Variants in RXRA observed in about 807,000 individuals in gnomAD.
RXRA encodes the protein retinoic acid receptor RXR-alpha.
RXRA carries 5 observed loss-of-function variants against 44.5 expected under a neutral mutation model. The observed-to-expected ratio is 0.11, with a 90% CI of 0.06 to 0.24. The LOEUF is 0.24. RXRA is among the 10% of genes least tolerant of loss of function. The pLI is 1.00. For synonymous variants in RXRA, 291 were observed against 271.4 expected (o/e 1.07, Z -0.71); for missense variants, 412 against 646.5 (o/e 0.64, Z 3.93).
intron 6 of RXRA, among the ~76,000 whole-genome samples, chr9:134,427,552 C>T (rs1831455494): frequency 6.6e-6 from 1 of 152,236 alleles, no homozygotes; most frequent in Non-Finnish European, 1.5e-5. Flanking sequence ...GGTGCCATCC[C>T]TGCCTGGTCT....
chr9:134,359,256 T>C (rs778714966), intron 1 of RXRA, among the ~76,000 whole-genome samples: 2 of 152,126 alleles, frequency 1.3e-5, no homozygotes, highest in Non-Finnish European at 2.9e-5. Flanking sequence ...GCCACCTGCC[T>C]TTGGGGTCCT....
chr9:134,380,201 G>A (rs1318511512), intron 1 of RXRA: 3 of 981,430 alleles, frequency 3.1e-6, no homozygotes, highest in East Asian at 1.2e-4. Context: ...GGTGTAGGCC[G>A]GAGGTGGCGT....
intron 1 of RXRA, among the ~76,000 whole-genome samples, chr9:134,359,834 T>A (rs1830327768): frequency 6.6e-6 from 1 of 152,134 alleles, no homozygotes; most frequent in South Asian, 2.1e-4. Flanking sequence ...TCCCAGCCCG[T>A]TTCCCCCAGG....
chr9:134,410,103 C>G (rs1564289700), intron 4 of RXRA, among the ~76,000 whole-genome samples: 1 of 152,240 alleles, frequency 6.6e-6, no homozygotes, highest in Admixed American at 6.5e-5. Context: ...TGTATGTCTT[C>G]TCAGCCTTAA....
At chr9:134,369,442 T>G (rs1488323092) in intron 1 of RXRA, among the ~76,000 whole-genome samples, 1 of 101,278 alleles carries the variant, frequency 9.9e-6, no homozygotes, top group Admixed American at 1.3e-4. Context: ...GGGTTATGTG[T>G]GTATGTGGGG....
At chr9:134,402,683 T>G (rs892581149) in intron 2 of RXRA, 4 of 151,490 alleles carry the variant, frequency 2.6e-5, no homozygotes, top group Non-Finnish European at 5.9e-5. Flanking sequence ...TCTGTGAGGG[T>G]GGAGGGCGAG....
intron 1 of RXRA, among the ~76,000 whole-genome samples, chr9:134,341,590 G>A (rs553873340): frequency 2.0e-5 from 3 of 152,370 alleles, no homozygotes; most frequent in South Asian, 4.1e-4. Flanking sequence ...CCTGGCCCAG[G>A]CCAGGACCTT....
intron 1 of RXRA, among the ~76,000 whole-genome samples, chr9:134,388,931 C>T (rs1205783520): frequency 6.6e-6 from 1 of 152,140 alleles, no homozygotes; most frequent in Non-Finnish European, 1.5e-5. Context: ...GGTCAGAAGC[C>T]CTGGAAGACA....
rs550970107 is a variant in RXRA, at chr9:134,363,882, G to A, written c.28+37223G>A. On this transcript the variant is annotated intron_variant, in intron 1 of 9. Transcript: ENST00000481739. ...CTCCAGACATGTCACCATCTCCCCC[G>A]GGTTTGGCATTTTTTGGGGAAAAGC... Among the ~76,000 whole-genome samples, 69 of 152,298 alleles carry A rather than the reference G, an allele frequency of 4.5e-4. No homozygotes were observed. In the South Asian group the frequency reaches 5.0e-3, roughly 11 times the overall value.
chr9:134,378,974 C>T (rs982766278), intron 1 of RXRA, among the ~76,000 whole-genome samples: 2 of 152,234 alleles, frequency 1.3e-5, no homozygotes, highest in African/African-American at 4.8e-5. Context: ...CGGGTGGGAA[C>T]ACACGTCTCT....
chr9:134,382,910 C>G (rs1255384269), intron 1 of RXRA, among the ~76,000 whole-genome samples: 4 of 152,154 alleles, frequency 2.6e-5, no homozygotes, highest in African/African-American at 7.2e-5. Context: ...GTTCTTGGAG[C>G]GTGCCGAATG....
At chr9:134,382,535 G>A (rs1830661888) in intron 1 of RXRA, among the ~76,000 whole-genome samples, 1 of 152,190 alleles carries the variant, frequency 6.6e-6, no homozygotes, top group African/African-American at 2.4e-5. Flanking sequence ...GTGGACCAGA[G>A]GCTGGGGACT....
At chr9:134,351,037 C>T (rs1489738808) in intron 1 of RXRA, among the ~76,000 whole-genome samples, 1 of 152,246 alleles carries the variant, frequency 6.6e-6, no homozygotes, top group African/African-American at 2.4e-5. Flanking sequence ...GAGCACCGGC[C>T]TCAGACTTCA....
At chr9:134,377,731 C>T (rs553829227) in intron 1 of RXRA, among the ~76,000 whole-genome samples, 2 of 152,348 alleles carry the variant, frequency 1.3e-5, no homozygotes, top group African/African-American at 4.8e-5. Flanking sequence ...TGACTTCCAG[C>T]TGCTGCCCGA....
chr9:134,371,074 C>T (rs183393189), intron 1 of RXRA, among the ~76,000 whole-genome samples: 13 of 152,252 alleles, frequency 8.5e-5, no homozygotes, highest in African/African-American at 2.4e-4. Flanking sequence ...GGGTCACCCT[C>T]GCTCTGGGAC....
At chr9:134,387,302 C>T (rs918001006) in intron 1 of RXRA, among the ~76,000 whole-genome samples, 2 of 152,338 alleles carry the variant, frequency 1.3e-5, no homozygotes, top group Non-Finnish European at 2.9e-5. Context: ...GGAGAGTGCT[C>T]AGGTGCCTTC....
At chr9:134,424,037 C>G in intron 6 of RXRA, 1 of 985,394 alleles carries the variant, frequency 1.0e-6, no homozygotes. Context: ...GCCCTGTGGT[C>G]CCATGTTCTG....
chr9:134,434,247 C>T (rs764775603), intron 9 of RXRA, 40 bp downstream of exon 9: 2 of 1,473,154 alleles, frequency 1.4e-6, no homozygotes, highest in Non-Finnish European at 1.9e-6. Flanking sequence ...CAGACCCAGG[C>T]TCTTGTCTCC....
chr9:134,339,078 C>G (rs942814725), intron 1 of RXRA, among the ~76,000 whole-genome samples: 1 of 151,984 alleles, frequency 6.6e-6, no homozygotes, highest in South Asian at 2.1e-4. Flanking sequence ...GGCCGTGTGC[C>G]TGGTGTCGGG....
Sources: allele counts gnomAD v4.1 joint callset (sites outside exome capture counted in the v4.1 genomes callset), GRCh38; gene constraint gnomAD v4.1.1; transcripts MANE v1.5; gene names NCBI Gene and HGNC (gene_info 2026-07-23, HGNC 2026-07-21).